SCTR: variants seen among roughly 807,000 people sequenced by gnomAD.
The protein encoded by SCTR is secretin receptor, also known as pancreatic secretin receptor.
SCTR carries 56 observed loss-of-function variants against 60.8 expected under a neutral mutation model. That is an observed-to-expected ratio of 0.92 (90% CI 0.74 to 1.15). The LOEUF (loss-of-function observed/expected upper bound fraction) is 1.15. Ranked by LOEUF, SCTR falls within the 50% of genes most tolerant of loss-of-function variation. The probability of loss-of-function intolerance (pLI) is 0.00; values close to 1 mark genes in which losing one functional copy is unlikely to be tolerated. For missense variants in SCTR, 562 were observed against 550.4 expected (o/e 1.02, Z -0.21); for synonymous variants, 202 against 217.0 (o/e 0.93, Z 0.61).
At chr2:119,460,398 G>T (rs1683554382) in intron 7 of SCTR, among the ~76,000 whole-genome samples, 1 of 151,462 alleles carries the variant, frequency 6.6e-6, no homozygotes, top group African/African-American at 2.4e-5. Context: ...ATAGAGGAAT[G>T]GATGGATGAG....
At chr2:119,498,776 T>C (rs1678436417) in intron 1 of SCTR, among the ~76,000 whole-genome samples, 1 of 152,006 alleles carries the variant, frequency 6.6e-6, no homozygotes, top group African/African-American at 2.4e-5. Flanking sequence ...TTAAAAATTG[T>C]TCAACTAACC....
intron 3 of SCTR, among the ~76,000 whole-genome samples, chr2:119,478,505 G>A (rs1415341395): frequency 6.6e-6 from 1 of 152,160 alleles, no homozygotes; most frequent in Admixed American, 6.5e-5. Flanking sequence ...TGCTAAGGGG[G>A]CAGAAACATG....
At chr2:119,514,599 G>T (rs1268776660) in intron 1 of SCTR, among the ~76,000 whole-genome samples, 1 of 152,136 alleles carries the variant, frequency 6.6e-6, no homozygotes, top group Non-Finnish European at 1.5e-5. Context: ...ATAAAGGCTG[G>T]GTGCAGTGGC....
rs575432813 is a variant in SCTR at position 119,456,591 on chromosome 2, G to T, written c.791-3244C>A. 4.6e-5 allele frequency among the ~76,000 whole-genome samples: 7 copies of T among 152,190 alleles called. No individual in the cohort carries two copies. In the South Asian group the frequency reaches 1.5e-3, roughly 32 times the overall value. On this transcript the variant is annotated intron_variant, in intron 7 of 12. Transcript: ENST00000019103. ...GCTAAGGGAGCTGAGCAAATCTGGAGAACAGCCAGGCCAAGTCAAGCAAGA... is the reference window on the plus strand; with the variant it reads ...GCTAAGGGAGCTGAGCAAATCTGGATAACAGCCAGGCCAAGTCAAGCAAGA...
In SCTR at chr2:119,445,404, C is replaced by T. The variant is rs74440530; in HGVS notation, c.1140+1355G>A. Among the ~76,000 whole-genome samples the T allele has an allele frequency of 8.3e-3, 1,266 of 152,224 alleles. 19 individuals are homozygous for T. Among genetic ancestry groups the T allele is most frequent in the African/African-American group, 0.026 (1,093 of 41,534 alleles). Reference sequence around the variant, plus strand: ...GTTCTCTGGAGGTCTGGGGCACTGACGGGTTACTGGGTAGAGGGCCAGCTT... The same window carrying T: ...GTTCTCTGGAGGTCTGGGGCACTGATGGGTTACTGGGTAGAGGGCCAGCTT... On this transcript the variant is annotated intron_variant, in intron 11 of 12. Coordinates refer to ENST00000019103, the MANE Select transcript of SCTR (RefSeq NM_002980.3).
intron 2 of SCTR, 49 bp from the exon 3 acceptor site, chr2:119,478,967 T>C (rs1298711191): frequency 6.2e-7 from 1 of 1,611,252 alleles, no homozygotes; most frequent in Non-Finnish European, 8.5e-7. Context: ...GACCGAGGGC[T>C]GCCCTACCAT....
At chr2:119,452,894 G>T (rs960618536) in intron 8 of SCTR, among the ~76,000 whole-genome samples, 11 of 152,132 alleles carry the variant, frequency 7.2e-5, no homozygotes, top group African/African-American at 2.7e-4. Flanking sequence ...TTAGAGTCTG[G>T]CTCTGCAGGG....
chr2:119,517,810 T>G (rs2104954534), intron 1 of SCTR, among the ~76,000 whole-genome samples: 1 of 152,276 alleles, frequency 6.6e-6, no homozygotes, highest in East Asian at 1.9e-4. Context: ...GGCTGTTGTC[T>G]GGGGAACAGC....
chr2:119,517,298 T>C (rs1280977896), intron 1 of SCTR, among the ~76,000 whole-genome samples: 1 of 151,972 alleles, frequency 6.6e-6, no homozygotes, highest in Admixed American at 6.6e-5. Flanking sequence ...TAGCTGGGAC[T>C]ACAGGCACAC....
chr2:119,498,367 A>G (rs1678424367), intron 1 of SCTR, among the ~76,000 whole-genome samples: 2 of 152,156 alleles, frequency 1.3e-5, no homozygotes, highest in East Asian at 3.8e-4. Flanking sequence ...AAGAATGGCT[A>G]AAAGAACTTC....
chr2:119,490,889 G>A (rs1025409390), intron 2 of SCTR, among the ~76,000 whole-genome samples: 9 of 152,190 alleles, frequency 5.9e-5, no homozygotes, highest in East Asian at 3.9e-4. Context: ...AAAACTGCTC[G>A]CTCTGAAGCA....
At chr2:119,466,668 T>C (rs1331077683) in intron 4 of SCTR, among the ~76,000 whole-genome samples, 2 of 152,094 alleles carry the variant, frequency 1.3e-5, no homozygotes, top group Non-Finnish European at 2.9e-5. Context: ...GGAGGATCAC[T>C]CCAGCCTGGG....
At chr2:119,488,469 CG>C (rs1573890275) in intron 2 of SCTR, among the ~76,000 whole-genome samples, 1 of 152,342 alleles carries the variant, frequency 6.6e-6, no homozygotes, top group East Asian at 1.9e-4. Context: ...CCTGGATGCA[CG>C]GTCAGGACCT....
At chr2:119,495,797 A>T (rs953494437) in intron 1 of SCTR, among the ~76,000 whole-genome samples, 1 of 152,180 alleles carries the variant, frequency 6.6e-6, no homozygotes, top group Non-Finnish European at 1.5e-5. Context: ...TGAAAAACAC[A>T]TCACCTCCCC....
chr2:119,502,338 T>C lies in SCTR; in HGVS notation c.73-7790A>G, dbSNP rs988013572. ...TCCAGCAAAACATGTGCAGAATTTA[T>C]ATGCTGAGAACAACATAATGCTGAT... On this transcript the variant is annotated intron_variant, in intron 1 of 12. Coordinates refer to ENST00000019103, the MANE Select transcript of SCTR (RefSeq NM_002980.3). Among the ~76,000 whole-genome samples the C allele has an allele frequency of 6.0e-4, 91 of 152,232 alleles. 6 individuals are homozygous for C. The highest frequency in any genetic ancestry group is 1.5e-5 in the Non-Finnish European group (1 of 68,044).
intron 1 of SCTR, among the ~76,000 whole-genome samples, chr2:119,511,160 G>A (rs988556612): frequency 5.9e-5 from 9 of 152,008 alleles, no homozygotes; most frequent in Middle Eastern, 3.4e-3. Flanking sequence ...CCCAGATAGC[G>A]CCACTGCACT....
intron 6 of SCTR, among the ~76,000 whole-genome samples, chr2:119,463,195 T>C (rs1043278871): frequency 4.6e-5 from 7 of 152,174 alleles, no homozygotes; most frequent in African/African-American, 1.7e-4. Flanking sequence ...ACTATAGAGA[T>C]TGTGATAGTA....
chr2:119,458,048 C>T (rs1441927672), intron 7 of SCTR, among the ~76,000 whole-genome samples: 1 of 151,608 alleles, frequency 6.6e-6, no homozygotes, highest in Non-Finnish European at 1.5e-5. Flanking sequence ...AATCCCAGCA[C>T]TTTGGGAGGC....
At chr2:119,456,885 C>T (rs1051604171) in intron 7 of SCTR, among the ~76,000 whole-genome samples, 1 of 152,090 alleles carries the variant, frequency 6.6e-6, no homozygotes, top group African/African-American at 2.4e-5. Context: ...AGGAATGGGG[C>T]TGATGCAACT....
Sources: allele counts gnomAD v4.1 joint callset (sites outside exome capture counted in the v4.1 genomes callset), GRCh38; gene constraint gnomAD v4.1.1; transcripts MANE v1.5; gene names NCBI Gene and HGNC (gene_info 2026-07-23, HGNC 2026-07-21).